UTRN: variants seen among roughly 807,000 people sequenced by gnomAD.
UTRN encodes the protein utrophin.
In UTRN, 283 loss-of-function variants were observed where a neutral mutation model predicts 463.9. The observed-to-expected ratio is 0.61, with a 90% CI of 0.55 to 0.67. The LOEUF (loss-of-function observed/expected upper bound fraction) is 0.67. Ranked by LOEUF, UTRN falls within the 30% of genes least tolerant of loss-of-function variation. The pLI is 0.00. For missense variants in UTRN, 3,922 were observed against 4,084.3 expected (o/e 0.96, Z 1.08); for synonymous variants, 1,442 against 1,431.5 (o/e 1.01, Z -0.17).
chr6:144,664,469 TAC>T (rs1175184607), intron 51 of UTRN, among the ~76,000 whole-genome samples: 3 of 123,334 alleles, frequency 2.4e-5, no homozygotes, highest in African/African-American at 1.0e-4. Flanking sequence ...TCTGTTGTCT[TAC>T]TTTTTTTTTT....
chr6:144,364,802 C>T (rs748898821), intron 2 of UTRN, among the ~76,000 whole-genome samples: 6 of 152,212 alleles, frequency 3.9e-5, no homozygotes, highest in Non-Finnish European at 7.3e-5. Flanking sequence ...CCAGCCTCCA[C>T]AGGCTGCCCA....
chr6:144,546,736 G>C (rs1798441155), intron 46 of UTRN, among the ~76,000 whole-genome samples: 1 of 152,112 alleles, frequency 6.6e-6, no homozygotes, highest in African/African-American at 2.4e-5. Flanking sequence ...TTGAACTCAG[G>C]AGGTTGAGGC....
At chr6:144,356,732 G>C (rs1266338410) in intron 2 of UTRN, among the ~76,000 whole-genome samples, 1 of 152,152 alleles carries the variant, frequency 6.6e-6, no homozygotes, top group African/African-American at 2.4e-5. Context: ...AGAATCACTT[G>C]AATCTGGGAG....
intron 54 of UTRN, among the ~76,000 whole-genome samples, chr6:144,733,969 G>C (rs1489966020): frequency 6.6e-6 from 1 of 152,068 alleles, no homozygotes; most frequent in Admixed American, 6.5e-5. Flanking sequence ...TATATATCAG[G>C]TACTCAATAA....
chr6:144,639,986 G>T (rs1777601959), intron 51 of UTRN, among the ~76,000 whole-genome samples: 1 of 152,180 alleles, frequency 6.6e-6, no homozygotes, highest in African/African-American at 2.4e-5. Flanking sequence ...ATGTGCCAGA[G>T]ATGATGCAGA....
At chr6:144,366,976 T>C (rs1432484721) in intron 2 of UTRN, among the ~76,000 whole-genome samples, 1 of 152,156 alleles carries the variant, frequency 6.6e-6, no homozygotes, top group East Asian at 1.9e-4. Context: ...TACTTGCATT[T>C]TTTTTTTGTC....
chr6:144,349,134 G>A (rs918653746), intron 2 of UTRN, among the ~76,000 whole-genome samples: 1 of 152,112 alleles, frequency 6.6e-6, no homozygotes, highest in South Asian at 2.1e-4. Context: ...TCAGCCTTCC[G>A]AGTAGCTGGG....
chr6:144,587,740 A>ACT (rs1265271273), intron 51 of UTRN, among the ~76,000 whole-genome samples: 2 of 152,082 alleles, frequency 1.3e-5, no homozygotes, highest in Non-Finnish European at 2.9e-5. Context: ...ATGGAGATTT[A>ACT]CTTTAACATG....
In UTRN at chr6:144,286,612, G is replaced by T. The variant is rs1197594287; in HGVS notation, c.-93+791G>T. On this transcript the variant is annotated intron_variant, in intron 1 of 74. Transcript: ENST00000367545. The surrounding 1 kb of genome is among the most constrained non-coding windows in gnomAD (Gnocchi z 4.4). ...CTTTGGCCCGGGGTCCGAGGCTGTG[G>T]TTGCTCAAGGCCACTTAAAAACCAA... Among the ~76,000 whole-genome samples, 1 of 152,130 alleles carries T rather than the reference G, an allele frequency of 6.6e-6. No homozygotes were observed. Among genetic ancestry groups the T allele is most frequent in the Non-Finnish European group, 1.5e-5 (1 of 68,020 alleles).
intron 61 of UTRN, 77 bp downstream of exon 61, chr6:144,782,200 G>A (rs537158793): frequency 1.3e-4 from 164 of 1,277,406 alleles, no homozygotes; most frequent in Middle Eastern, 4.4e-4. Flanking sequence ...ATTTTTAAGT[G>A]AATTTTTTAA....
intron 4 of UTRN, 108 bp downstream of exon 4, chr6:144,422,078 A>G: frequency 2.4e-6 from 2 of 841,124 alleles, no homozygotes; most frequent in Non-Finnish European, 3.5e-6. Context: ...CTTTACGTTC[A>G]AATGTAAAGG....
chr6:144,678,921 C>CA (rs1161694298), intron 52 of UTRN, among the ~76,000 whole-genome samples: 2 of 152,008 alleles, frequency 1.3e-5, no homozygotes, highest in Non-Finnish European at 2.9e-5. Context: ...ATTTCGTAAT[C>CA]AAAAAATCCT....
intron 47 of UTRN, among the ~76,000 whole-genome samples, chr6:144,549,490 A>T (rs969078393): frequency 3.9e-5 from 6 of 152,234 alleles, no homozygotes; most frequent in Non-Finnish European, 7.3e-5. Flanking sequence ...TCAATTCTTT[A>T]ATAGTCTTGT....
At position 144,478,807 on chromosome 6, in the gene UTRN, G is replaced by A. The variant is rs575493868; in HGVS notation, c.3337-1005G>A. Among the ~76,000 whole-genome samples the A allele has an allele frequency of 3.0e-4, 45 of 152,270 alleles. No homozygotes were observed. In the South Asian group the frequency reaches 7.3e-3, roughly 25 times the overall value. ...GGTTGGACTGTGACTGCAGAACGGC[G>A]CCTTCTCTCACAGTAGAAGTCAGTT... On this transcript the variant is annotated intron_variant, in intron 25 of 74. Transcript: ENST00000367545.
chr6:144,802,044 A>G (rs1777745793), intron 64 of UTRN, among the ~76,000 whole-genome samples: 1 of 152,230 alleles, frequency 6.6e-6, no homozygotes, highest in Non-Finnish European at 1.5e-5. Context: ...CATTGCTAAA[A>G]TGTGCTAACA....
chr6:144,807,337 A>G (rs1475620526), intron 65 of UTRN, among the ~76,000 whole-genome samples: 2 of 152,138 alleles, frequency 1.3e-5, no homozygotes, highest in African/African-American at 4.8e-5. Context: ...TAAGAAGACT[A>G]ATGGTATATG....
chr6:144,814,008 C>T (rs1330496651), intron 65 of UTRN, among the ~76,000 whole-genome samples: 1 of 152,196 alleles, frequency 6.6e-6, no homozygotes, highest in East Asian at 1.9e-4. Context: ...CTAGTCCAAA[C>T]TGTTCCTACG....
intron 3 of UTRN, among the ~76,000 whole-genome samples, chr6:144,421,198 G>A (rs538890431): frequency 6.6e-6 from 1 of 152,174 alleles, no homozygotes; most frequent in African/African-American, 2.4e-5. Context: ...CTAGAGATGA[G>A]GTTTCACCAT....
chr6:144,388,142 G>A (rs1490156571), intron 2 of UTRN, among the ~76,000 whole-genome samples: 2 of 152,190 alleles, frequency 1.3e-5, no homozygotes, highest in Admixed American at 1.3e-4. Flanking sequence ...CTAACGTACA[G>A]ATACAGTGCT....
Sources: gnomAD v4.1 joint callset for allele counts (sites outside exome capture counted in the v4.1 genomes callset) on GRCh38, gnomAD v4.1.1 for gene constraint, Gnocchi (gnomAD v3.1) non-coding constraint, MANE v1.5 for transcripts, NCBI Gene and HGNC (gene_info 2026-07-23, HGNC 2026-07-21) for gene names.